Variants in NR3C1 observed in about 807,000 individuals in gnomAD.
NR3C1 encodes the protein glucocorticoid receptor.
In NR3C1, 14 loss-of-function variants were observed where a neutral mutation model predicts 74.0. The observed-to-expected ratio is 0.19, with a 90% CI of 0.12 to 0.30. The LOEUF is 0.30. Among genes scored for constraint, NR3C1 ranks in the 10% least tolerant of loss-of-function variants. The pLI is 1.00. For synonymous variants in NR3C1, 308 were observed against 332.5 expected (o/e 0.93, Z 0.80); for missense variants, 695 against 909.8 (o/e 0.76, Z 3.04).
At chr5:143,371,849 T>C (rs1177320597) in intron 2 of NR3C1, among the ~76,000 whole-genome samples, 10 of 152,232 alleles carry the variant, frequency 6.6e-5, no homozygotes, top group Admixed American at 2.0e-4. Flanking sequence ...ACATTTTTCT[T>C]CTTTCTCAAA....
At chr5:143,332,894 T>C (rs1260025148) in intron 2 of NR3C1, 11 of 1,503,384 alleles carry the variant, frequency 7.3e-6, no homozygotes, top group East Asian at 2.3e-5. Flanking sequence ...AAATGCTGCA[T>C]ATAGTGGAAC....
chr5:143,339,546 C>T (rs1329354606), intron 2 of NR3C1, among the ~76,000 whole-genome samples: 1 of 151,920 alleles, frequency 6.6e-6, no homozygotes, highest in Non-Finnish European at 1.5e-5. Flanking sequence ...TTTCAAAATC[C>T]TTTAATTTGA....
chr5:143,391,619 G>A (rs961299037), intron 2 of NR3C1, among the ~76,000 whole-genome samples: 3 of 152,042 alleles, frequency 2.0e-5, no homozygotes, highest in Non-Finnish European at 4.4e-5. Flanking sequence ...TGGCTATTAT[G>A]TAGATGGCAT....
intron 4 of NR3C1, among the ~76,000 whole-genome samples, chr5:143,302,374 C>T (rs1818677984): frequency 6.6e-6 from 1 of 152,062 alleles, no homozygotes; most frequent in Non-Finnish European, 1.5e-5. Flanking sequence ...GACACCAATA[C>T]ATAAAGAAAC....
chr5:143,423,565 C>T (rs1751349115), intron 1 of NR3C1, among the ~76,000 whole-genome samples: 1 of 152,008 alleles, frequency 6.6e-6, no homozygotes, highest in Non-Finnish European at 1.5e-5. Context: ...ACAACAACAA[C>T]AACAAAATAG....
chr5:143,302,307 A>G (rs985093915), intron 4 of NR3C1, among the ~76,000 whole-genome samples: 1 of 152,146 alleles, frequency 6.6e-6, no homozygotes, highest in East Asian at 1.9e-4. Context: ...TTTTTAGAAT[A>G]TTTTAAATTT....
chr5:143,432,363 T>G (rs1751872488), intron 1 of NR3C1, among the ~76,000 whole-genome samples: 1 of 152,176 alleles, frequency 6.6e-6, no homozygotes, highest in African/African-American at 2.4e-5. Context: ...TCCTGCAGGA[T>G]TTCCAGGTGA....
At chr5:143,295,173 C>CAAAG (rs1173693648) in intron 7 of NR3C1, 1 of 984,944 alleles carries the variant, frequency 1.0e-6, no homozygotes. Context: ...TTCCCATGAT[C>CAAAG]AAAGATCAAA....
At chr5:143,311,861 C>T (rs959556504) in intron 3 of NR3C1, among the ~76,000 whole-genome samples, 1 of 150,214 alleles carries the variant, frequency 6.7e-6, no homozygotes, top group Non-Finnish European at 1.5e-5. Context: ...AAACTCCAGG[C>T]CTCAAGCAAT....
At chr5:143,433,980 C>G (rs529020648) in intron 1 of NR3C1, among the ~76,000 whole-genome samples, 2 of 152,300 alleles carry the variant, frequency 1.3e-5, no homozygotes, top group East Asian at 3.9e-4. Flanking sequence ...TCCTTTTCCT[C>G]AAACTTGCCA....
Position 143,281,540 on chromosome 5 carries a change from T to TTCATC in NR3C1, c.*348_*349insGATGA. On this transcript the variant is annotated 3_prime_UTR_variant, in exon 9 of 9. Coordinates refer to ENST00000394464, the MANE Select transcript of NR3C1 (RefSeq NM_000176.3). Reference sequence around the variant, plus strand: ...TCATCCAGCCAACTGTGAAAAAAAGTATGAAGAGAAAGTTCATCACACAGA... The same window carrying TTCATC: ...TCATCCAGCCAACTGTGAAAAAAAGTTCATCATGAAGAGAAAGTTCATCACACAGA... The TTCATC allele has an allele frequency of 3.9e-6, 1 of 253,278 alleles. No individual in the cohort carries two copies. Among genetic ancestry groups the TTCATC allele is most frequent in the South Asian group, 4.8e-5 (1 of 20,876 alleles). The allele number at this position is 253,278 out of a possible 1,614,324, so 15.7% of individuals were successfully genotyped here.
At chr5:143,393,239 T>C (rs1174441405) in intron 2 of NR3C1, among the ~76,000 whole-genome samples, 3 of 152,152 alleles carry the variant, frequency 2.0e-5, no homozygotes, top group Non-Finnish European at 2.9e-5. Flanking sequence ...TTGTCTTACA[T>C]TCGATAATCT....
chr5:143,362,338 T>C (rs1832403479), intron 2 of NR3C1, among the ~76,000 whole-genome samples: 1 of 151,722 alleles, frequency 6.6e-6, no homozygotes, highest in Non-Finnish European at 1.5e-5. Context: ...GACAGCAGAA[T>C]GGACCTCTTT....
In NR3C1 at chr5:143,300,638, G is replaced by C; in HGVS notation, c.1594C>G (p.Leu532Val). The C allele has an allele frequency of 6.2e-7, 1 of 1,614,170 alleles. No individual in the cohort carries two copies. The highest frequency in any genetic ancestry group is 1.1e-5 in the South Asian group (1 of 91,088). ...TCAATAACCTCCAACAGTGACACCA[G>C]GGTAGGGGTGAGTTGTGGTAACGTT... ...PATLPQLTPT[L>V]VSLLEVIEPE... The change falls in exon 5 of 9, where the codon CTG (leucine) becomes GTG (valine). Residue 532 changes from leucine to valine, a missense_variant. Coordinates refer to ENST00000394464, the MANE Select transcript of NR3C1 (RefSeq NM_000176.3). The surrounding 1 kb of genome is among the most constrained non-coding windows in gnomAD (Gnocchi z 5.2).
rs796291345 is a variant in NR3C1 at position 143,430,082 on chromosome 5, C to CAA, written c.-14+4448_-14+4449dup. On this transcript the variant is annotated intron_variant, in intron 1 of 8. Transcript: ENST00000343796. ...GGGTGAGAGAGTGAGACTCCATCTC[C>CAA]AAAAAAAAAAAAGAAAAGAAAAGAA... Among the ~76,000 whole-genome samples, 9 of 95,716 alleles carry CAA rather than the reference C, an allele frequency of 9.4e-5. No individual in the cohort carries two copies. The East Asian group carries it at 1.9e-3, about 21-fold the overall frequency. 62.8% of individuals were successfully genotyped at this position (95,716 alleles called of 152,430 possible).
chr5:143,422,857 A>C (rs987976177), intron 1 of NR3C1, among the ~76,000 whole-genome samples: 1 of 152,206 alleles, frequency 6.6e-6, no homozygotes, highest in Non-Finnish European at 1.5e-5. Flanking sequence ...GATGCCCCTT[A>C]AAACAGTGCC....
intron 2 of NR3C1, among the ~76,000 whole-genome samples, chr5:143,394,989 T>C (rs761905034): frequency 1.3e-5 from 2 of 152,096 alleles, no homozygotes; most frequent in South Asian, 2.1e-4. Context: ...TACAACAGTA[T>C]TGAGCACTAA....
At chr5:143,405,438 C>T (rs534771239), upstream of NR3C1, 86 of 802,810 alleles carry the variant, frequency 1.1e-4, no homozygotes, top group South Asian at 4.4e-3. Flanking sequence ...TGGTAGGGTA[C>T]AGTGTCGCCA....
At chr5:143,413,118 A>T (rs1841352069) in intron 1 of NR3C1, among the ~76,000 whole-genome samples, 1 of 152,198 alleles carries the variant, frequency 6.6e-6, no homozygotes, top group East Asian at 1.9e-4. Context: ...TCTCTGGAGG[A>T]AATGGAGACA....
Sources: gnomAD v4.1 joint callset for allele counts (sites outside exome capture counted in the v4.1 genomes callset) on GRCh38, gnomAD v4.1.1 for gene constraint, Gnocchi (gnomAD v3.1) non-coding constraint, MANE v1.5 for transcripts, NCBI Gene and HGNC (gene_info 2026-07-23, HGNC 2026-07-21) for gene names.